ADGRD2: variants seen among roughly 807,000 people sequenced by gnomAD.
The protein encoded by ADGRD2 is G protein-coupled receptor PGR24.
ADGRD2 carries 71 observed loss-of-function variants against 44.4 expected under a neutral mutation model. The observed-to-expected ratio is 1.60, with a 90% CI of 1.32 to 1.95. The LOEUF (loss-of-function observed/expected upper bound fraction) is 1.95, where lower values mean the gene tolerates loss of function less well. Ranked by LOEUF, ADGRD2 falls within the 30% of genes most tolerant of loss-of-function variation. The pLI is 0.00. For synonymous variants in ADGRD2, 481 were observed against 224.8 expected (o/e 2.14, Z -10.19); for missense variants, 1,039 against 512.4 (o/e 2.03, Z -9.92).
At position 124,454,882 on chromosome 9, in the gene ADGRD2, T is replaced by C; in HGVS notation, c.1150T>C (p.Ser384Pro). The C allele has an allele frequency of 1.4e-6, 1 of 711,710 alleles. No homozygotes were observed. The highest frequency in any genetic ancestry group is 1.7e-5 in the African/African-American group (1 of 57,386). 44.1% of individuals were successfully genotyped at this position (711,710 alleles called of 1,614,324 possible). A position where few individuals can be genotyped will look rare whatever the true frequency, so the allele number is the denominator to read the frequency against. ...CCTCTCCGAAGTCCATGGGGCCCTG[T>C]CCCCAGCGGAGGCCTCCAGCTTCCT... Residue 384 changes from serine (S) to proline (P), a missense_variant, in exon 6 of 22, where the codon TCC (serine) becomes CCC (proline). Transcript: ENST00000334810. The surrounding 1 kb of genome is among the most constrained non-coding windows in gnomAD (Gnocchi z 4.5).
At chr9:124,472,631 T>G (rs933783012) in intron 17 of ADGRD2, among the ~76,000 whole-genome samples, 1 of 152,116 alleles carries the variant, frequency 6.6e-6, no homozygotes, top group Non-Finnish European at 1.5e-5. Flanking sequence ...CTCAGCCTCC[T>G]GAGTAGCTGG....
rs1831577480 is a variant in ADGRD2 at position 124,454,577 on chromosome 9, C to T, written c.1108+8C>T. On this transcript the variant is annotated splice_region_variant and intron_variant, in intron 5 of 21. Transcript: ENST00000334810. This position sits in a 1 kb window ranked among gnomAD's most constrained non-coding sequence, Gnocchi z 4.5. ...TTGGCCAACGACATTGTGGTGAGCT[C>T]CCTCTCAGGGGCTGGAAAGCCTGGG... The T allele has an allele frequency of 1.4e-6, 1 of 714,266 alleles. No individual in the cohort carries two copies. Among genetic ancestry groups the T allele is most frequent in the Non-Finnish European group, 2.6e-6 (1 of 382,418 alleles). 44.2% of individuals were successfully genotyped at this position (714,266 alleles called of 1,614,324 possible).
At chr9:124,474,638 C>G (rs1306305006) in intron 17 of ADGRD2, among the ~76,000 whole-genome samples, 1 of 152,234 alleles carries the variant, frequency 6.6e-6, no homozygotes, top group East Asian at 1.9e-4. Flanking sequence ...GTCCTCCCGC[C>G]TGGGCCGCAG....
At position 124,476,431 on chromosome 9, in the gene ADGRD2, G is replaced by C; in HGVS notation, c.2904+16G>C. 1 of 701,338 alleles carries C rather than the reference G, an allele frequency of 1.4e-6. No individual in the cohort carries two copies. Among genetic ancestry groups the C allele is most frequent in the Non-Finnish European group, 2.6e-6 (1 of 383,658 alleles). The allele number at this position is 701,338 out of a possible 1,614,324, so 43.4% of individuals were successfully genotyped here. ...GGAGAGACAGGTGAGGCTGGGACAGGGTGGGCCGCACAGGGCTCTGCCAGG... is the reference window on the plus strand; with the variant it reads ...GGAGAGACAGGTGAGGCTGGGACAGCGTGGGCCGCACAGGGCTCTGCCAGG... On this transcript the variant is annotated intron_variant, in intron 20 of 21. Coordinates refer to ENST00000334810, the Ensembl canonical transcript of ADGRD2.
chr9:124,453,286 C>T (rs1255287790), exon 3 of ADGRD2: 1 of 492,864 alleles, frequency 2.0e-6, no homozygotes, highest in East Asian at 3.6e-5. Flanking sequence ...GCAGCACGCG[C>T]CCTTCCTCGC....
At chr9:124,453,325 C>T in exon 3 of ADGRD2, 1 of 496,742 alleles carries the variant, frequency 2.0e-6, no homozygotes, top group South Asian at 3.1e-5. Context: ...CCGCTGGCAC[C>T]ATGTGTGCGC....
chr9:124,470,453 A>C lies in ADGRD2; in HGVS notation c.2638-41A>C, dbSNP rs755287099. On this transcript the variant is annotated intron_variant, in intron 16 of 21. Transcript: ENST00000334810. ...CCTGGAGCCCTGCGGGGAGCTCCCCAGGCCTCCCAACCCCCGTCAGCCCTG... is the reference window on the plus strand; with the variant it reads ...CCTGGAGCCCTGCGGGGAGCTCCCCCGGCCTCCCAACCCCCGTCAGCCCTG... The C allele has an allele frequency of 5.7e-6, 4 of 696,742 alleles. No individual in the cohort carries two copies. In the South Asian group the frequency reaches 6.0e-5, roughly 10 times the overall value. 43.2% of individuals were successfully genotyped at this position (696,742 alleles called of 1,614,324 possible).
At position 124,471,836 on chromosome 9, in the gene ADGRD2, G is replaced by C. The variant is rs75259909; in HGVS notation, c.2758+1222G>C. On this transcript the variant is annotated intron_variant, in intron 17 of 21. Coordinates refer to ENST00000334810, the Ensembl canonical transcript of ADGRD2. ...CCCCTGTATTTGTGGAGCTGCCCTT[G>C]GTAGAGCAGGCAGACCATGGCCACG... Among the ~76,000 whole-genome samples the C allele has an allele frequency of 1.7e-3, 260 of 152,324 alleles. 1 individual carries two copies. Among genetic ancestry groups the C allele is most frequent in the African/African-American group, 6.0e-3 (250 of 41,560 alleles).
intron 11 of ADGRD2, chr9:124,467,406 C>A: frequency 3.1e-6 from 1 of 322,448 alleles, no homozygotes. Flanking sequence ...GTATCATCCG[C>A]AGCCCCATTC....
intron 17 of ADGRD2, among the ~76,000 whole-genome samples, chr9:124,472,481 TTTTGTTTTTGTTTTTGTTTTG>T (rs1564143711): frequency 3.7e-5 from 3 of 80,128 alleles, no homozygotes; most frequent in African/African-American, 1.4e-4. Flanking sequence ...TTTGTTTTTG[TTTTGTTTTTGTTTTTGTTTTG>T]TTTTGTTTTG....
intron 6 of ADGRD2, among the ~76,000 whole-genome samples, chr9:124,455,354 G>C (rs1831594558): frequency 1.3e-5 from 2 of 152,244 alleles, no homozygotes; most frequent in Non-Finnish European, 2.9e-5. Flanking sequence ...ACTTTGGGAG[G>C]TTGAGGCGGG....
intron 14 of ADGRD2, 126 bp from the exon 18 acceptor site, chr9:124,469,096 G>A: frequency 3.3e-6 from 2 of 613,516 alleles, no homozygotes; most frequent in Admixed American, 5.4e-5. Context: ...CCTGCTCCTT[G>A]GACCTCCCCA....
At chr9:124,471,446 T>A (rs1831943782) in intron 17 of ADGRD2, among the ~76,000 whole-genome samples, 1 of 152,098 alleles carries the variant, frequency 6.6e-6, no homozygotes, top group African/African-American at 2.4e-5. Context: ...ACCCTCCATC[T>A]TTTCCTTGAA....
exon 3 of ADGRD2, chr9:124,453,158 C>A (rs1290075565): frequency 4.3e-6 from 3 of 700,038 alleles, no homozygotes; most frequent in Non-Finnish European, 7.8e-6. Context: ...TGGGACTGTG[C>A]CTCGCCCGAC....
At chr9:124,475,660 G>T in intron 19 of ADGRD2, 45 bp downstream of exon 22, 1 of 612,210 alleles carries the variant, frequency 1.6e-6, no homozygotes, top group South Asian at 1.9e-5. Context: ...GAGGCCCCCA[G>T]AGCCAGGTCC....
upstream of ADGRD2, chr9:124,451,816 A>AT (rs1335517616): frequency 2.2e-6 from 1 of 447,446 alleles, no homozygotes; most frequent in Non-Finnish European, 4.1e-6. Context: ...GTTATCCAAG[A>AT]TAAGTCCTGG....
rs905881397 is a variant in ADGRD2, at chr9:124,469,967, C to A, written c.2637+420C>A. 2.0e-5 allele frequency among the ~76,000 whole-genome samples: 3 copies of A among 152,140 alleles called. No homozygotes were observed. The South Asian group carries it at 6.2e-4, about 31-fold the overall frequency. On this transcript the variant is annotated intron_variant, in intron 16 of 21. Transcript: ENST00000334810. ...CAGGGTAAGGACCTGGGTCCCTGTT[C>A]CTGCCAAAGACCCGCATCGCCCTCT...
At chr9:124,459,939 G>A (rs76004004) in intron 10 of ADGRD2, among the ~76,000 whole-genome samples, 1 of 152,192 alleles carries the variant, frequency 6.6e-6, no homozygotes, top group Non-Finnish European at 1.5e-5. Context: ...TAGGGATTGA[G>A]GTATTTCTCT....
At chr9:124,472,667 T>C (rs1000207727) in intron 17 of ADGRD2, among the ~76,000 whole-genome samples, 7 of 151,978 alleles carry the variant, frequency 4.6e-5, no homozygotes, top group Non-Finnish European at 1.0e-4. Context: ...CCACCACGCC[T>C]GGATAATTTT....
Sources: gnomAD v4.1 joint callset for allele counts (sites outside exome capture counted in the v4.1 genomes callset) on GRCh38, gnomAD v4.1.1 for gene constraint, Gnocchi (gnomAD v3.1) non-coding constraint, MANE v1.5 for transcripts, NCBI Gene and HGNC (gene_info 2026-07-23, HGNC 2026-07-21) for gene names.